APPBP2: variants seen among roughly 807,000 people sequenced by gnomAD.
APPBP2 encodes amyloid beta precursor protein binding protein 2, also known as amyloid protein-binding protein 2.
Under a neutral mutation model 76.0 loss-of-function variants are expected in APPBP2, and 15 were observed. That is an observed-to-expected ratio of 0.20 (90% CI 0.13 to 0.30). APPBP2 has a LOEUF of 0.30. Among genes scored for constraint, APPBP2 ranks in the 10% least tolerant of loss-of-function variants. The pLI is 1.00. For missense variants in APPBP2, 401 were observed against 687.2 expected, an observed-to-expected ratio of 0.58 and a Z score of 4.66; for synonymous variants, 222 against 242.2, an observed-to-expected ratio of 0.92 and a Z score of 0.77.
In APPBP2 at chr17:60,479,273, TA is replaced by T; in HGVS notation, c.380-3del. On this transcript the variant is annotated splice_polypyrimidine_tract_variant and splice_region_variant and intron_variant, in intron 3 of 12. Coordinates refer to ENST00000083182, the MANE Select transcript of APPBP2 (RefSeq NM_006380.5). The stretch of plus-strand genomic sequence containing the variant: ...AGCCTGCATCTGAAAGAAAGCCACC[TA>T]AAAAAATAAGAAACACCAATTTTAG... 6.3e-7 allele frequency: 1 copy of T among 1,587,772 alleles called. No homozygotes were observed. The highest frequency in any genetic ancestry group is 8.5e-7 in the Non-Finnish European group (1 of 1,173,412).
At chr17:60,517,379 T>C (rs1037531245) in intron 1 of APPBP2, among the ~76,000 whole-genome samples, 1 of 152,238 alleles carries the variant, frequency 6.6e-6, no homozygotes, top group African/African-American at 2.4e-5. Flanking sequence ...GCTTGACTCT[T>C]CACTTGCTTA....
At chr17:60,469,167 C>CA (rs1473613601) in intron 4 of APPBP2, among the ~76,000 whole-genome samples, 3 of 150,284 alleles carry the variant, frequency 2.0e-5, no homozygotes, top group South Asian at 2.1e-4. Context: ...ACTAAAAATA[C>CA]AAAAAAAAAT....
chr17:60,501,940 G>A (rs1419753517), intron 1 of APPBP2, among the ~76,000 whole-genome samples: 2 of 152,128 alleles, frequency 1.3e-5, no homozygotes, highest in Non-Finnish European at 1.5e-5. Context: ...GAGGGGAGAG[G>A]GGACAGGGAC....
At chr17:60,470,207 C>T (rs1288015097) in intron 4 of APPBP2, among the ~76,000 whole-genome samples, 2 of 151,936 alleles carry the variant, frequency 1.3e-5, no homozygotes, top group Non-Finnish European at 2.9e-5. Context: ...ATGTGCTTAC[C>T]GGTCTTTTGT....
At chr17:60,476,883 A>C (rs1002455148) in intron 4 of APPBP2, among the ~76,000 whole-genome samples, 39 of 152,192 alleles carry the variant, frequency 2.6e-4, no homozygotes, top group Non-Finnish European at 2.9e-5. Context: ...CCAGCCAGTT[A>C]TCTACCCAAT....
At chr17:60,481,256 T>A (rs1432792192) in intron 3 of APPBP2, among the ~76,000 whole-genome samples, 1 of 152,188 alleles carries the variant, frequency 6.6e-6, no homozygotes, top group Non-Finnish European at 1.5e-5. Context: ...ACCCTACTGT[T>A]CCCTTTTTGC....
intron 9 of APPBP2, 61 bp downstream of exon 9, chr17:60,460,602 A>G: frequency 6.5e-7 from 1 of 1,548,350 alleles, no homozygotes; most frequent in Non-Finnish European, 8.8e-7. Context: ...CCTAATGGGA[A>G]AAAACAAAAT....
chr17:60,453,306 CCTG>C (rs2090409000), intron 11 of APPBP2, among the ~76,000 whole-genome samples: 1 of 151,950 alleles, frequency 6.6e-6, no homozygotes, highest in East Asian at 1.9e-4. Flanking sequence ...GTCTCAGCCT[CCTG>C]AGTAGCTGGG....
chr17:60,510,900 T>G (rs1193064770), intron 1 of APPBP2, among the ~76,000 whole-genome samples: 1 of 152,240 alleles, frequency 6.6e-6, no homozygotes, highest in Admixed American at 6.5e-5. Flanking sequence ...ATGCTGTCCA[T>G]TTATGATGAT....
chr17:60,444,597 G>C lies in APPBP2; in HGVS notation c.*2984C>G, dbSNP rs1468886949. ...GCAGGGGTTACTACAAAGCAATAGT[G>C]AGCCAATTTTTAACCAAGCAGAGAC... On this transcript the variant is annotated 3_prime_UTR_variant, in exon 13 of 13. Transcript: ENST00000083182. 2.0e-5 allele frequency: 3 copies of C among 151,968 alleles called. No individual in the cohort carries two copies. Among genetic ancestry groups the C allele is most frequent in the Admixed American group, 2.0e-4 (3 of 15,232 alleles). The allele number at this position is 151,968 out of a possible 1,614,324, so 9.4% of individuals were successfully genotyped here.
intron 2 of APPBP2, among the ~76,000 whole-genome samples, chr17:60,498,223 T>C (rs1217382358): frequency 6.6e-6 from 1 of 152,050 alleles, no homozygotes; most frequent in African/African-American, 2.4e-5. Context: ...GAATTCAATC[T>C]CCCTTTCTTG....
chr17:60,513,472 TTCAGAAGATGGACAC>T lies in APPBP2; in HGVS notation c.138+12307_138+12321del. 17 of 586,468 alleles carry T rather than the reference TTCAGAAGATGGACAC, an allele frequency of 2.9e-5. No individual in the cohort carries two copies. In the South Asian group the frequency reaches 3.2e-4, roughly 11 times the overall value. 36.3% of individuals were successfully genotyped at this position (586,468 alleles called of 1,614,324 possible). ...TTGTACTATAATGCCAACAGGGCAT[TTCAGAAGATGGACAC>T]GAAGAAGGAGGAACAGCTGAAGCTT... On this transcript the variant is annotated intron_variant, in intron 1 of 12. Coordinates refer to ENST00000083182, the MANE Select transcript of APPBP2 (RefSeq NM_006380.5).
intron 1 of APPBP2, among the ~76,000 whole-genome samples, chr17:60,504,532 T>C (rs1304452102): frequency 6.6e-6 from 1 of 152,220 alleles, no homozygotes; most frequent in Non-Finnish European, 1.5e-5. Context: ...AAGTTTTAAA[T>C]GGTAAAAAAT....
intron 1 of APPBP2, among the ~76,000 whole-genome samples, chr17:60,518,041 G>A (rs1371964521): frequency 1.4e-5 from 2 of 140,022 alleles, no homozygotes; most frequent in South Asian, 4.6e-4. Context: ...TCTGCATAGT[G>A]TTTTTTTAAA....
At chr17:60,466,855 T>C (rs143825836) in intron 4 of APPBP2, among the ~76,000 whole-genome samples, 1 of 152,230 alleles carries the variant, frequency 6.6e-6, no homozygotes, top group Non-Finnish European at 1.5e-5. Flanking sequence ...ATTTTTGGTA[T>C]AGTCTAACAC....
intron 5 of APPBP2, among the ~76,000 whole-genome samples, chr17:60,465,990 T>C (rs2090507930): frequency 6.6e-6 from 1 of 152,058 alleles, no homozygotes; most frequent in Admixed American, 6.6e-5. Context: ...AGGCGTGTGC[T>C]ACACATGCGG....
At chr17:60,500,517 T>G in intron 1 of APPBP2, 30 bp from the exon 2 acceptor site, 2 of 1,535,392 alleles carry the variant, frequency 1.3e-6, no homozygotes, top group Non-Finnish European at 1.8e-6. Flanking sequence ...ATTTAAAAAT[T>G]TTGCAATTTA....
intron 1 of APPBP2, among the ~76,000 whole-genome samples, chr17:60,508,403 C>A (rs1273635039): frequency 6.6e-6 from 1 of 151,956 alleles, no homozygotes; most frequent in Non-Finnish European, 1.5e-5. Context: ...TAAAAAAAAT[C>A]ACAAAATAAC....
intron 1 of APPBP2, among the ~76,000 whole-genome samples, chr17:60,518,566 A>T (rs73330234): frequency 0.08 from 12,010 of 151,000 alleles, 1,701 homozygotes; most frequent in African/African-American, 0.28. Context: ...GGAGGCTGAG[A>T]GTGCAGTGTC....
Sources: gnomAD v4.1 joint callset for allele counts (sites outside exome capture counted in the v4.1 genomes callset) on GRCh38, gnomAD v4.1.1 for gene constraint, MANE v1.5 for transcripts, NCBI Gene and HGNC (gene_info 2026-07-23, HGNC 2026-07-21) for gene names.